DNAH6: variants seen among roughly 807,000 people sequenced by gnomAD.
DNAH6 encodes axonemal beta dynein heavy chain 6.
DNAH6 carries 340 observed loss-of-function variants against 491.4 expected under a neutral mutation model. The ratio of observed to expected loss-of-function variants is 0.69; its 90% CI spans 0.63 to 0.76. DNAH6 has a LOEUF of 0.76. DNAH6 is among the 30% of genes least tolerant of loss of function. DNAH6 has a pLI of 0.00. For missense variants in DNAH6, 4,443 were observed against 4,972.2 expected (o/e 0.89, Z 3.20); for synonymous variants, 1,603 against 1,686.1 (o/e 0.95, Z 1.21).
At chr2:84,702,542 CT>C (rs34867074) in intron 49 of DNAH6, among the ~76,000 whole-genome samples, 2,110 of 132,452 alleles carry the variant, frequency 0.016, 25 homozygotes, top group African/African-American at 0.048. Context: ...TTTGAACCAG[CT>C]TTTTTTTTTT....
chr2:84,751,932 G>A (rs920432701), intron 63 of DNAH6, among the ~76,000 whole-genome samples: 1 of 152,194 alleles, frequency 6.6e-6, no homozygotes, highest in African/African-American at 2.4e-5. Flanking sequence ...CTGTTTTAAG[G>A]TGATTAAATA....
At position 84,604,379 on chromosome 2, in the gene DNAH6, CA is replaced by C; in HGVS notation, c.2911del (p.Arg971AspfsTer14). 1 of 1,552,172 alleles carries C rather than the reference CA, an allele frequency of 6.4e-7. No individual in the cohort carries two copies. Among genetic ancestry groups the C allele is most frequent in the Non-Finnish European group, 8.7e-7 (1 of 1,147,074 alleles). On this transcript the variant is annotated frameshift_variant, in exon 19 of 77. Transcript: ENST00000389394. LOFTEE classifies it high-confidence loss of function. ...IIDLRNPTLK[A>X]RHWAAIEQTV... Reference sequence around the variant, plus strand: ...GACTTGAGGAACCCGACTTTGAAGGCAAGACATTGGGCAGCTATTGAACAAA... The same window carrying C: ...GACTTGAGGAACCCGACTTTGAAGGCAGACATTGGGCAGCTATTGAACAAA...
intron 32 of DNAH6, 25 bp downstream of exon 32, chr2:84,640,603 T>G (rs896591169): frequency 1.3e-6 from 2 of 1,536,192 alleles, no homozygotes; most frequent in Admixed American, 4.1e-5. Context: ...TAGTCAAGAG[T>G]GAAATCCCAA....
rs189715614 is a variant in DNAH6 at position 84,740,235 on chromosome 2, G to A, written c.10343-4845G>A. 2.6e-5 allele frequency among the ~76,000 whole-genome samples: 4 copies of A among 152,210 alleles called. No homozygotes were observed. In the East Asian group the frequency reaches 7.7e-4, roughly 29 times the overall value. On this transcript the variant is annotated intron_variant, in intron 62 of 76. Transcript: ENST00000389394. Reference sequence around the variant, plus strand: ...TTGTAGCAATGTAATTTTATTTGGTGGCGTAATTCAGGATGCAGTCTAGTA... The same window carrying A: ...TTGTAGCAATGTAATTTTATTTGGTAGCGTAATTCAGGATGCAGTCTAGTA...
chr2:84,496,006 A>G, the DNAH6 span, among the ~76,000 whole-genome samples: 6 of 152,238 alleles, frequency 3.9e-5, no homozygotes, highest in Non-Finnish European at 8.8e-5. Flanking sequence ...CGTATAAATT[A>G]TATGACGCCT....
chr2:84,727,581 A>C, intron 60 of DNAH6, 88 bp from the exon 61 acceptor site: 2 of 773,326 alleles, frequency 2.6e-6, no homozygotes, highest in Middle Eastern at 2.4e-4. Flanking sequence ...CCATTTACTC[A>C]CTGAATGCGA....
At chr2:84,803,239 G>A (rs1679093555) in intron 70 of DNAH6, among the ~76,000 whole-genome samples, 1 of 152,150 alleles carries the variant, frequency 6.6e-6, no homozygotes, top group Admixed American at 6.5e-5. Context: ...ACAAGTGGAA[G>A]CTAAACACTG....
At chr2:84,634,086 C>T (rs1420974719) in intron 29 of DNAH6, among the ~76,000 whole-genome samples, 1 of 152,184 alleles carries the variant, frequency 6.6e-6, no homozygotes, top group African/African-American at 2.4e-5. Flanking sequence ...GCCTTCTGCT[C>T]AGTAGTCCTT....
intron 26 of DNAH6, among the ~76,000 whole-genome samples, chr2:84,623,438 A>G (rs1307755979): frequency 3.3e-5 from 5 of 152,210 alleles, no homozygotes. Flanking sequence ...AAACAGAAAA[A>G]TAAAACAACC....
At chr2:84,677,649 A>G (rs1184513579) in intron 41 of DNAH6, among the ~76,000 whole-genome samples, 3 of 152,200 alleles carry the variant, frequency 2.0e-5, no homozygotes, top group Non-Finnish European at 4.4e-5. Flanking sequence ...CTAATAGGCT[A>G]CTTCCCCATC....
upstream of DNAH6, among the ~76,000 whole-genome samples, chr2:84,512,216 G>C (rs917888901): frequency 6.6e-6 from 1 of 152,130 alleles, no homozygotes; most frequent in Non-Finnish European, 1.5e-5. Flanking sequence ...ACACAGGCTG[G>C]ATAATTCATA....
At chr2:84,460,639 A>C in the DNAH6 span, among the ~76,000 whole-genome samples, 1 of 152,132 alleles carries the variant, frequency 6.6e-6, no homozygotes. Context: ...GCCTTACACA[A>C]ATAACTCATC....
the DNAH6 span, among the ~76,000 whole-genome samples, chr2:84,500,248 A>G: frequency 6.6e-6 from 1 of 152,174 alleles, no homozygotes; most frequent in Non-Finnish European, 1.5e-5. Flanking sequence ...TATTCTGCAT[A>G]TGAATATCCA....
chr2:84,789,298 G>T (rs1677520330), intron 68 of DNAH6, among the ~76,000 whole-genome samples: 1 of 152,050 alleles, frequency 6.6e-6, no homozygotes, highest in Non-Finnish European at 1.5e-5. Context: ...ATCTCAATAG[G>T]TTCATTTTAC....
At position 84,715,654 on chromosome 2, in the gene DNAH6, G is replaced by C. The variant is rs1165697687; in HGVS notation, c.9611+27G>C. ...TAAAAAAACAGGGAGTTGAGGGGAGGGAAGGGGGTATTGTGGGTTTCCTAA... is the reference window on the plus strand; with the variant it reads ...TAAAAAAACAGGGAGTTGAGGGGAGCGAAGGGGGTATTGTGGGTTTCCTAA... On this transcript the variant is annotated intron_variant, in intron 58 of 76. Transcript: ENST00000389394. 5.8e-6 allele frequency: 9 copies of C among 1,542,714 alleles called. No homozygotes were observed. The East Asian group carries it at 2.2e-4, about 38-fold the overall frequency.
the DNAH6 span, among the ~76,000 whole-genome samples, chr2:84,487,904 A>G: frequency 1.3e-5 from 2 of 152,172 alleles, no homozygotes; most frequent in African/African-American, 4.8e-5. Context: ...AGAAAAGTAC[A>G]TTCCTGGGGA....
At chr2:84,663,895 T>A (rs1317103317) in intron 37 of DNAH6, among the ~76,000 whole-genome samples, 37 of 152,198 alleles carry the variant, frequency 2.4e-4, no homozygotes, top group Admixed American at 2.2e-3. Flanking sequence ...TAACAGCTGA[T>A]CTCTCATCAG....
rs1439938293 is a variant in DNAH6, at chr2:84,805,746, G to A, written c.11563G>A (p.Asp3855Asn). The A allele has an allele frequency of 1.9e-6, 3 of 1,551,644 alleles. No homozygotes were observed. Among genetic ancestry groups the A allele is most frequent in the South Asian group, 2.4e-5 (2 of 84,038 alleles). Residue 3855 changes from aspartate (D) to asparagine (N), a missense_variant, in exon 71 of 77, where the codon GAC (aspartate) becomes AAC (asparagine). Around this residue, in one of 3 missense-constraint regions of DNAH6, gnomAD observed 1,463 missense variants for 1,656.6 expected, o/e 0.88. Coordinates refer to ENST00000389394, the MANE Select transcript of DNAH6 (RefSeq NM_001370.2). Reference sequence around the variant, plus strand: ...TACTGGTGGAGAGGGAAAAAGCAATGACGAAATTGTTCAAGAACTTGTTGC... The same window carrying A: ...TACTGGTGGAGAGGGAAAAAGCAATAACGAAATTGTTCAAGAACTTGTTGC... ...SSTGGEGKSN[D>N]EIVQELVASV...
At chr2:84,793,645 C>T (rs937236024) in intron 68 of DNAH6, among the ~76,000 whole-genome samples, 1 of 152,088 alleles carries the variant, frequency 6.6e-6, no homozygotes, top group African/African-American at 2.4e-5. Flanking sequence ...CCCAGAGGGT[C>T]GCTAAAGAAT....
Sources: gnomAD v4.1 joint callset for allele counts (sites outside exome capture counted in the v4.1 genomes callset) on GRCh38, gnomAD v4.1.1 for gene constraint, gnomAD v4.1.1 regional missense constraint, MANE v1.5 for transcripts, NCBI Gene and HGNC (gene_info 2026-07-23, HGNC 2026-07-21) for gene names.